Variants in GNA14 observed in about 807,000 individuals in gnomAD.
GNA14 encodes the protein guanine nucleotide-binding protein subunit alpha-14.
A neutral mutation model predicts 42.0 loss-of-function variants in GNA14; 50 were observed. The ratio of observed to expected loss-of-function variants is 1.19; its 90% confidence interval spans 0.95 to 1.51. The LOEUF (loss-of-function observed/expected upper bound fraction) is 1.51. Among genes scored for constraint, GNA14 ranks in the 40% most tolerant of loss-of-function variants. The pLI, the probability that GNA14 is intolerant of heterozygous loss-of-function variation, is 0.00. For synonymous variants in GNA14, 173 were observed against 163.1 expected, an observed-to-expected ratio of 1.06 and a Z score of -0.46; for missense variants, 473 against 446.2, an observed-to-expected ratio of 1.06 and a Z score of -0.54.
At chr9:77,644,437 C>CCAAAAAAAAAAAAAAAAAAAAAAAAAA (rs778013639) in intron 1 of GNA14, among the ~76,000 whole-genome samples, 7 of 34,012 alleles carry the variant, frequency 2.1e-4, no homozygotes, top group Non-Finnish European at 2.6e-4. Context: ...TAAAGAGTGT[C>CCAAAAAAAAAAAAAAAAAAAAAAAAAA]AAAAAAAAAA....
chr9:77,463,342 C>G (rs1279075289), intron 2 of GNA14, among the ~76,000 whole-genome samples: 1 of 152,134 alleles, frequency 6.6e-6, no homozygotes, highest in African/African-American at 2.4e-5. Context: ...TCAAGACAGC[C>G]AAGAACCAGA....
At chr9:77,594,865 C>T (rs908412731) in intron 1 of GNA14, among the ~76,000 whole-genome samples, 13 of 152,324 alleles carry the variant, frequency 8.5e-5, no homozygotes, top group Middle Eastern at 3.4e-3. Flanking sequence ...CATGCTCACT[C>T]TAAACACCTG....
At chr9:77,616,399 C>T (rs553418897) in intron 1 of GNA14, among the ~76,000 whole-genome samples, 175 of 152,288 alleles carry the variant, frequency 1.1e-3, no homozygotes, top group Admixed American at 3.7e-3. Flanking sequence ...ATGGCTGGAA[C>T]GAAGCCAAGG....
At chr9:77,647,612 C>G (rs1057303089) in intron 1 of GNA14, 58 bp downstream of exon 1, 6 of 1,564,318 alleles carry the variant, frequency 3.8e-6, no homozygotes, top group Non-Finnish European at 5.2e-6. Flanking sequence ...GTGGAGAGGC[C>G]GGGAGGGCTC....
intron 1 of GNA14, among the ~76,000 whole-genome samples, chr9:77,556,701 G>T (rs141605679): frequency 1.3e-5 from 2 of 152,014 alleles, no homozygotes; most frequent in Non-Finnish European, 2.9e-5. Context: ...CTTGGAAATT[G>T]CCTTGTGCCA....
At chr9:77,522,131 A>T (rs534912853) in intron 2 of GNA14, among the ~76,000 whole-genome samples, 71 of 152,096 alleles carry the variant, frequency 4.7e-4, no homozygotes, top group Non-Finnish European at 5.1e-4. Context: ...CCCATATGCT[A>T]TTTTTATTAT....
intron 2 of GNA14, among the ~76,000 whole-genome samples, chr9:77,497,597 A>C (rs1030351092): frequency 1.3e-5 from 2 of 152,178 alleles, no homozygotes; most frequent in African/African-American, 4.8e-5. Context: ...TGCCTTTTCC[A>C]CTTATCTGTG....
At chr9:77,602,449 A>C (rs555163093) in intron 1 of GNA14, among the ~76,000 whole-genome samples, 1 of 152,312 alleles carries the variant, frequency 6.6e-6, no homozygotes, top group Admixed American at 6.5e-5. Flanking sequence ...TTATTTAACC[A>C]ATCAATTTTG....
intron 2 of GNA14, among the ~76,000 whole-genome samples, chr9:77,440,743 G>A (rs1266736352): frequency 3.3e-5 from 5 of 151,930 alleles, no homozygotes; most frequent in Admixed American, 1.3e-4. Context: ...TTGAGATGCA[G>A]TCTTGCTCTG....
intron 2 of GNA14, among the ~76,000 whole-genome samples, chr9:77,460,130 G>A (rs1446090166): frequency 1.3e-5 from 2 of 152,122 alleles, no homozygotes; most frequent in Admixed American, 6.5e-5. Context: ...CTGGAACCTC[G>A]GAATTTAACC....
intron 1 of GNA14, among the ~76,000 whole-genome samples, chr9:77,569,976 A>G (rs1823037090): frequency 6.6e-6 from 1 of 151,966 alleles, no homozygotes; most frequent in South Asian, 2.1e-4. Context: ...TGTGTTGGTC[A>G]GTCTGATCTC....
At chr9:77,534,308 A>G (rs1325815515) in intron 1 of GNA14, among the ~76,000 whole-genome samples, 3 of 152,240 alleles carry the variant, frequency 2.0e-5, no homozygotes, top group Non-Finnish European at 4.4e-5. Flanking sequence ...AATTCTACCC[A>G]TGAACCTCAT....
chr9:77,430,206 C>T (rs547964111), intron 4 of GNA14, among the ~76,000 whole-genome samples: 4 of 152,208 alleles, frequency 2.6e-5, no homozygotes, highest in African/African-American at 4.8e-5. Flanking sequence ...TTTCAAAGAT[C>T]GGAATTTTTC....
intron 2 of GNA14, among the ~76,000 whole-genome samples, chr9:77,527,880 C>G (rs534872039): frequency 1.6e-4 from 25 of 152,318 alleles, no homozygotes; most frequent in African/African-American, 5.5e-4. Flanking sequence ...GGTGATCCCC[C>G]TGCCTTGGCC....
chr9:77,464,634 A>G (rs1329165863), intron 2 of GNA14, among the ~76,000 whole-genome samples: 1 of 152,108 alleles, frequency 6.6e-6, no homozygotes, highest in African/African-American at 2.4e-5. Context: ...CCAACGAGTC[A>G]TGCCACCATC....
chr9:77,521,682 C>T (rs1283039265), intron 2 of GNA14, among the ~76,000 whole-genome samples: 1 of 152,154 alleles, frequency 6.6e-6, no homozygotes, highest in East Asian at 1.9e-4. Context: ...AAATACTACA[C>T]TTGATTGCTT....
chr9:77,481,703 T>G (rs1836555415), intron 2 of GNA14, among the ~76,000 whole-genome samples: 1 of 152,184 alleles, frequency 6.6e-6, no homozygotes, highest in South Asian at 2.1e-4. Flanking sequence ...TGTAGGTCAC[T>G]CAGGACTTGC....
chr9:77,592,973 G>A (rs1283812320), intron 1 of GNA14, among the ~76,000 whole-genome samples: 5 of 152,064 alleles, frequency 3.3e-5, no homozygotes, highest in Non-Finnish European at 7.4e-5. Flanking sequence ...TTTTCTTCCT[G>A]GGCTGGGCTG....
At chr9:77,470,062 G>C (rs954293714) in intron 2 of GNA14, among the ~76,000 whole-genome samples, 2 of 152,160 alleles carry the variant, frequency 1.3e-5, no homozygotes, top group African/African-American at 4.8e-5. Flanking sequence ...GCTTAAAGAT[G>C]AAATACTTCT....
Sources: allele counts gnomAD v4.1 joint callset (sites outside exome capture counted in the v4.1 genomes callset), GRCh38; gene constraint gnomAD v4.1.1; transcripts MANE v1.5; gene names NCBI Gene and HGNC (gene_info 2026-07-23, HGNC 2026-07-21).